Variants in ZNF423 observed in about 807,000 individuals in gnomAD.
ZNF423 encodes the protein Ebf-associated zinc finger protein.
In ZNF423, 12 loss-of-function variants were observed where a neutral mutation model predicts 95.8. The observed-to-expected ratio is 0.13, with a 90% CI of 0.08 to 0.20. The LOEUF (loss-of-function observed/expected upper bound fraction) is 0.20, where lower values mean the gene tolerates loss of function less well. Ranked by LOEUF, ZNF423 falls within the 10% of genes least tolerant of loss-of-function variation. ZNF423 has a pLI of 1.00. For synonymous variants in ZNF423, 749 were observed against 711.9 expected (o/e 1.05, Z -0.83); for missense variants, 1,316 against 1,737.1 (o/e 0.76, Z 4.31).
At chr16:49,850,914 A>G (rs2035295494) in intron 1 of ZNF423, among the ~76,000 whole-genome samples, 1 of 152,108 alleles carries the variant, frequency 6.6e-6, no homozygotes, top group Non-Finnish European at 1.5e-5. Flanking sequence ...TCCAGGCTTG[A>G]CAGAGCCACT....
intron 5 of ZNF423, among the ~76,000 whole-genome samples, chr16:49,525,918 A>C (rs1464985666): frequency 6.6e-6 from 1 of 152,250 alleles, no homozygotes; most frequent in Non-Finnish European, 1.5e-5. Context: ...ACTTTGCTCT[A>C]AGGATTATTT....
intron 5 of ZNF423, among the ~76,000 whole-genome samples, chr16:49,582,359 C>A (rs1024421976): frequency 6.6e-6 from 1 of 152,254 alleles, no homozygotes; most frequent in Non-Finnish European, 1.5e-5. Flanking sequence ...CTGAAGCCCT[C>A]CCCAGCATCC....
At position 49,489,990 on chromosome 16, in the gene ZNF423, G is replaced by C. The variant is rs577630067; in HGVS notation, c.*1285C>G. ...TCCCAGCACTTGCAGGTGTAGGGGG[G>C]CCCTGAGAGCGAGTGCCCCCTGAAA... On this transcript the variant is annotated 3_prime_UTR_variant, in exon 8 of 8. Coordinates refer to ENST00000563137, the MANE Select transcript of ZNF423 (RefSeq NM_001379286.1). 6.6e-6 allele frequency: 1 copy of C among 152,218 alleles called. No homozygotes were observed. The highest frequency in any genetic ancestry group is 6.5e-5 in the Admixed American group (1 of 15,280). The allele number at this position is 152,218 out of a possible 1,614,324, so 9.4% of individuals were successfully genotyped here.
At chr16:49,790,588 A>G (rs956501037) in intron 1 of ZNF423, among the ~76,000 whole-genome samples, 1 of 152,252 alleles carries the variant, frequency 6.6e-6, no homozygotes, top group Non-Finnish European at 1.5e-5. Context: ...GCTGGAGGGC[A>G]GTGACCCCAA....
chr16:49,846,917 A>AT (rs2035252366), intron 1 of ZNF423: 1 of 152,412 alleles, frequency 6.6e-6, no homozygotes, highest in South Asian at 2.1e-4. Context: ...ATGTGTAGTC[A>AT]TACCAACCCA....
At chr16:49,496,820 G>T (rs573503857) in intron 7 of ZNF423, among the ~76,000 whole-genome samples, 35 of 152,262 alleles carry the variant, frequency 2.3e-4, no homozygotes, top group African/African-American at 7.9e-4. Context: ...GACCTGGCAG[G>T]GTGCTCCACG....
chr16:49,707,140 C>T (rs1391482078), intron 3 of ZNF423, among the ~76,000 whole-genome samples: 2 of 151,950 alleles, frequency 1.3e-5, no homozygotes, highest in Non-Finnish European at 2.9e-5. Context: ...CTCACCGCTC[C>T]CTGGGTACCT....
rs990617496 is a variant in ZNF423 at position 49,855,405 on chromosome 16, C to A, written c.40+330G>T. On this transcript the variant is annotated intron_variant, in intron 1 of 7. Transcript: ENST00000563137. The surrounding 1 kb of genome is among the most constrained non-coding windows in gnomAD (Gnocchi z 4.7). ...TGATTGGCCACACGGGCCCGGGCCC[C>A]GCACGGAGGGAGCGGCAAGGGCCCC... Among the ~76,000 whole-genome samples the A allele has an allele frequency of 1.3e-4, 19 of 151,426 alleles. No homozygotes were observed. The highest frequency in any genetic ancestry group is 6.6e-5 in the Admixed American group (1 of 15,250).
At chr16:49,801,300 G>A (rs2034579463) in intron 1 of ZNF423, among the ~76,000 whole-genome samples, 1 of 152,224 alleles carries the variant, frequency 6.6e-6, no homozygotes. Context: ...GGCACTGGAG[G>A]CTTTTACAGA....
intron 5 of ZNF423, among the ~76,000 whole-genome samples, chr16:49,606,224 C>T (rs552405297): frequency 5.3e-5 from 8 of 152,226 alleles, no homozygotes; most frequent in Admixed American, 3.9e-4. Flanking sequence ...CTCTCTTAGA[C>T]GCTCTCCTGT....
At chr16:49,647,474 T>C (rs2151899308) in intron 3 of ZNF423, among the ~76,000 whole-genome samples, 1 of 152,388 alleles carries the variant, frequency 6.6e-6, no homozygotes. Context: ...GACAATTGGC[T>C]GACCTTAAAA....
intron 5 of ZNF423, among the ~76,000 whole-genome samples, chr16:49,542,787 T>G (rs1293851765): frequency 2.0e-5 from 3 of 152,052 alleles, no homozygotes; most frequent in Non-Finnish European, 2.9e-5. Flanking sequence ...GCGTCCTCCA[T>G]GAGATTGAAG....
Position 49,844,273 on chromosome 16 carries a change from T to C in ZNF423, c.40+11462A>G, listed in dbSNP as rs78029264. ...CTCCAGCCTGGGTAGCAGAGCAAGA[T>C]CCAAACTTTAAGAAAATAAATAATT... On this transcript the variant is annotated intron_variant, in intron 1 of 7. Transcript: ENST00000563137. 6.5e-3 allele frequency among the ~76,000 whole-genome samples: 991 copies of C among 152,106 alleles called. 11 individuals are homozygous for C. Among genetic ancestry groups the C allele is most frequent in the African/African-American group, 0.023 (952 of 41,482 alleles).
chr16:49,844,990 G>A (rs566794265), intron 1 of ZNF423, among the ~76,000 whole-genome samples: 6 of 122,910 alleles, frequency 4.9e-5, no homozygotes, highest in African/African-American at 1.9e-4. Context: ...AGCAGAGTTC[G>A]CGCCATTGCA....
chr16:49,673,413 C>G (rs1317383338), intron 3 of ZNF423, among the ~76,000 whole-genome samples: 1 of 152,246 alleles, frequency 6.6e-6, no homozygotes, highest in Non-Finnish European at 1.5e-5. Context: ...CATTAAGACA[C>G]TCCCACCAGC....
chr16:49,811,754 C>A (rs2034756261), intron 1 of ZNF423, among the ~76,000 whole-genome samples: 1 of 151,534 alleles, frequency 6.6e-6, no homozygotes, highest in African/African-American at 2.4e-5. Flanking sequence ...CCTCCTACCC[C>A]CACCCCCGCC....
rs1175017593 is a variant in ZNF423 at position 49,636,326 on chromosome 16, C to T, written c.2850G>A (p.Glu950=). The change falls in exon 4 of 8, where the codon GAG becomes GAA. Residue 950 remains glutamate, a synonymous_variant. Transcript: ENST00000563137. The surrounding 1 kb of genome is among the most constrained non-coding windows in gnomAD (Gnocchi z 8.6). ...TCTGCAGGTGCTCCCGTAGCCCGTT[C>T]TCCGAGAAGAAAGTCCGTGAACAAA... The part of the protein sequence containing the change: ...CNVCSRTFFS[E]NGLREHLQTH... The T allele has an allele frequency of 1.2e-6, 2 of 1,612,630 alleles. No individual in the cohort carries two copies. The highest frequency in any genetic ancestry group is 3.3e-5 in the Admixed American group (2 of 60,014).
chr16:49,802,403 T>G (rs1161115349), intron 1 of ZNF423, among the ~76,000 whole-genome samples: 2 of 152,176 alleles, frequency 1.3e-5, no homozygotes, highest in East Asian at 3.9e-4. Context: ...GACAATGGTG[T>G]GCTGGTCAAT....
intron 5 of ZNF423, among the ~76,000 whole-genome samples, chr16:49,586,507 A>G (rs952429919): frequency 6.6e-6 from 1 of 152,254 alleles, no homozygotes; most frequent in Non-Finnish European, 1.5e-5. Flanking sequence ...TCCCTCTTGC[A>G]TGCCAGCACA....
Sources: gnomAD v4.1 joint callset for allele counts (sites outside exome capture counted in the v4.1 genomes callset) on GRCh38, gnomAD v4.1.1 for gene constraint, Gnocchi (gnomAD v3.1) non-coding constraint, MANE v1.5 for transcripts, NCBI Gene and HGNC (gene_info 2026-07-23, HGNC 2026-07-21) for gene names.